Variants in CDH18 observed in about 807,000 individuals in gnomAD.
CDH18 encodes cadherin 18.
A neutral mutation model predicts 67.9 loss-of-function variants in CDH18; 31 were observed. The ratio of observed to expected loss-of-function variants is 0.46; its 90% confidence interval spans 0.34 to 0.62. The LOEUF is 0.62. CDH18 is among the 20% of genes least tolerant of loss of function. The probability of loss-of-function intolerance (pLI) is 0.01; values close to 1 mark genes in which losing one functional copy is unlikely to be tolerated. For missense variants in CDH18, 890 were observed against 975.5 expected (o/e 0.91, Z 1.17); for synonymous variants, 362 against 347.2 (o/e 1.04, Z -0.48).
intron 2 of CDH18, among the ~76,000 whole-genome samples, chr5:19,841,960 T>C (rs1409183686): frequency 6.6e-6 from 1 of 152,220 alleles, no homozygotes; most frequent in Non-Finnish European, 1.5e-5. Context: ...ACAGCGCTTA[T>C]GGAGATAATT....
At chr5:19,475,439 C>T (rs1266637017) in intron 12 of CDH18, among the ~76,000 whole-genome samples, 1 of 151,630 alleles carries the variant, frequency 6.6e-6, no homozygotes, top group Non-Finnish European at 1.5e-5. Context: ...AATCAGAATT[C>T]AAAATATGGT....
intron 11 of CDH18, among the ~76,000 whole-genome samples, chr5:19,490,394 GTTTTTTTTTT>G (rs70950073): frequency 1.7e-5 from 1 of 60,210 alleles, no homozygotes; most frequent in Non-Finnish European, 3.0e-5. Flanking sequence ...ATAAAAATCT[GTTTTTTTTTT>G]TTTTTTTTTT....
At chr5:19,496,811 C>CAAA (rs777601146) in intron 11 of CDH18, among the ~76,000 whole-genome samples, 4,259 of 74,900 alleles carry the variant, frequency 0.057, 181 homozygotes, top group Non-Finnish European at 0.075. Context: ...GACTCCATCT[C>CAAA]AAAAAAAAAA....
chr5:20,421,366 G>T (rs984074203), intron 1 of CDH18, among the ~76,000 whole-genome samples: 6 of 146,528 alleles, frequency 4.1e-5, no homozygotes, highest in East Asian at 4.0e-4. Flanking sequence ...CAATCACTTG[G>T]TTTTTTTTTT....
At chr5:19,978,570 T>C (rs1429975955) in intron 2 of CDH18, among the ~76,000 whole-genome samples, 1 of 152,114 alleles carries the variant, frequency 6.6e-6, no homozygotes, top group African/African-American at 2.4e-5. Flanking sequence ...GCTCTGTTGG[T>C]AAGAAGTCTG....
chr5:20,419,399 T>G (rs543601152), intron 1 of CDH18, among the ~76,000 whole-genome samples: 1 of 145,894 alleles, frequency 6.9e-6, no homozygotes, highest in East Asian at 2.1e-4. Flanking sequence ...ACTTCCAGCC[T>G]CCAGAACTGT....
At chr5:20,128,988 T>A (rs1749049018) in intron 2 of CDH18, among the ~76,000 whole-genome samples, 1 of 152,008 alleles carries the variant, frequency 6.6e-6, no homozygotes, top group South Asian at 2.1e-4. Flanking sequence ...TGGCCATAGT[T>A]GACTGGGCTA....
intron 2 of CDH18, among the ~76,000 whole-genome samples, chr5:19,913,099 T>C (rs1791336494): frequency 6.6e-6 from 1 of 152,110 alleles, no homozygotes; most frequent in East Asian, 1.9e-4. Context: ...GAGGTACCGA[T>C]TTTTTAAAAG....
At position 19,827,168 on chromosome 5, in the gene CDH18, A is replaced by C. The variant is rs187714320; in HGVS notation, c.228+11591T>G. On this transcript the variant is annotated intron_variant, in intron 3 of 12. Transcript: ENST00000382275. ...TACATGATGGGAAAGGGTTCAGTTCAACAAGCAGACTTAACTATCTTAAAT... is the reference window on the plus strand; with the variant it reads ...TACATGATGGGAAAGGGTTCAGTTCCACAAGCAGACTTAACTATCTTAAAT... Among the ~76,000 whole-genome samples, 26 of 152,300 alleles carry C rather than the reference A, an allele frequency of 1.7e-4. No individual in the cohort carries two copies. The East Asian group carries it at 4.6e-3, about 27-fold the overall frequency.
At chr5:19,814,540 C>A (rs1401675195) in intron 3 of CDH18, among the ~76,000 whole-genome samples, 1 of 151,946 alleles carries the variant, frequency 6.6e-6, no homozygotes, top group Non-Finnish European at 1.5e-5. Flanking sequence ...AGGAGCACTA[C>A]ACCTATAGTC....
chr5:20,488,674 TA>T (rs201004291), intron 1 of CDH18, among the ~76,000 whole-genome samples: 715 of 16,836 alleles, frequency 0.042, 10 homozygotes, highest in South Asian at 0.26. Context: ...GGTAGTGTTT[TA>T]TATATATATA....
At chr5:20,395,160 A>C (rs1395609146) in intron 1 of CDH18, among the ~76,000 whole-genome samples, 3 of 152,180 alleles carry the variant, frequency 2.0e-5, no homozygotes, top group Non-Finnish European at 4.4e-5. Context: ...TTGCAGCAAA[A>C]TTCACAAGTA....
intron 11 of CDH18, among the ~76,000 whole-genome samples, chr5:19,487,296 CA>C (rs777407747): frequency 6.6e-6 from 1 of 152,102 alleles, no homozygotes; most frequent in Non-Finnish European, 1.5e-5. Flanking sequence ...AGCTGTCAAA[CA>C]AGCTAAACAA....
Position 19,921,943 on chromosome 5 carries a change from C to T in CDH18, c.-257+59117G>A, listed in dbSNP as rs183661759. ...TTTTTAAGTATAAAGGATTCTAAATCGAAAACCTTTGAAAACCTCTGGCCT... is the reference window on the plus strand; with the variant it reads ...TTTTTAAGTATAAAGGATTCTAAATTGAAAACCTTTGAAAACCTCTGGCCT... On this transcript the variant is annotated intron_variant, in intron 2 of 12. Transcript: ENST00000382275. Among the ~76,000 whole-genome samples the T allele has an allele frequency of 1.1e-3, 172 of 151,640 alleles. 1 individual carries two copies. The highest frequency in any genetic ancestry group is 3.9e-3 in the African/African-American group (160 of 41,310).
chr5:20,004,976 T>C (rs1437077300), intron 2 of CDH18, among the ~76,000 whole-genome samples: 1 of 151,952 alleles, frequency 6.6e-6, no homozygotes, highest in African/African-American at 2.4e-5. Flanking sequence ...ACAGAAAAAA[T>C]AGAAAGTAAA....
intron 2 of CDH18, among the ~76,000 whole-genome samples, chr5:19,994,701 GTATATATATATATATATA>G (rs1166254040): frequency 7.1e-4 from 16 of 22,476 alleles, no homozygotes; most frequent in African/African-American, 1.6e-3. Context: ...ACCTCTTCCA[GTATATATATATATATATA>G]TATATATATA....
intron 1 of CDH18, among the ~76,000 whole-genome samples, chr5:20,380,373 A>C (rs1360166264): frequency 6.6e-6 from 1 of 152,190 alleles, no homozygotes; most frequent in Non-Finnish European, 1.5e-5. Flanking sequence ...TTGACAGAAA[A>C]TAACATTTGC....
chr5:19,531,275 C>A (rs1317979506), intron 9 of CDH18, among the ~76,000 whole-genome samples: 1 of 151,974 alleles, frequency 6.6e-6, no homozygotes, highest in Non-Finnish European at 1.5e-5. Context: ...CAATAAAAAT[C>A]TAAATAACTT....
chr5:19,647,527 CAAAAAAAAAAAAAA>C (rs3062888), intron 5 of CDH18, among the ~76,000 whole-genome samples: 3 of 28,808 alleles, frequency 1.0e-4, no homozygotes, highest in Non-Finnish European at 1.7e-4. Flanking sequence ...GAGACTCCAT[CAAAAAAAAAAAAAA>C]AAAAAAAAAA....
Sources: gnomAD v4.1 joint callset for allele counts (sites outside exome capture counted in the v4.1 genomes callset) on GRCh38, gnomAD v4.1.1 for gene constraint, MANE v1.5 for transcripts, NCBI Gene and HGNC (gene_info 2026-07-23, HGNC 2026-07-21) for gene names.